The following RNF150 variants were observed in gnomAD, a reference collection of about 807,000 sequenced individuals.
RNF150 encodes ring finger protein 150.
Under a neutral mutation model 39.3 loss-of-function variants are expected in RNF150, and 24 were observed. The ratio of observed to expected loss-of-function variants is 0.61; its 90% confidence interval spans 0.44 to 0.86. The LOEUF is 0.86. Ranked by LOEUF, RNF150 falls within the 40% of genes least tolerant of loss-of-function variation. The probability of loss-of-function intolerance (pLI) is 0.00; values close to 1 mark genes in which losing one functional copy is unlikely to be tolerated. For synonymous variants in RNF150, 255 were observed against 227.3 expected, an observed-to-expected ratio of 1.12 and a Z score of -1.10; for missense variants, 502 against 587.8, an observed-to-expected ratio of 0.85 and a Z score of 1.51.
chr4:141,015,364 A>G (rs911581530), intron 1 of RNF150, among the ~76,000 whole-genome samples: 2 of 152,218 alleles, frequency 1.3e-5, no homozygotes, highest in African/African-American at 4.8e-5. Flanking sequence ...CACCTGTTCA[A>G]CATTTATTCT....
At chr4:140,957,500 T>A (rs1171027036) in intron 2 of RNF150, among the ~76,000 whole-genome samples, 21 of 152,220 alleles carry the variant, frequency 1.4e-4, no homozygotes, top group Admixed American at 1.3e-3. Flanking sequence ...TGGCGATTCC[T>A]CAGGGATCTA....
intron 1 of RNF150, among the ~76,000 whole-genome samples, chr4:141,164,147 C>T (rs535787704): frequency 2.0e-5 from 3 of 151,044 alleles, no homozygotes; most frequent in East Asian, 3.9e-4. Flanking sequence ...ATGAGAACTT[C>T]GTGAAGCATA....
chr4:141,117,242 T>A (rs1478196229), intron 1 of RNF150, among the ~76,000 whole-genome samples: 1 of 152,226 alleles, frequency 6.6e-6, no homozygotes, highest in Admixed American at 6.5e-5. Context: ...TAACTTACAC[T>A]AAGAAGTGTT....
At chr4:141,136,620 T>TA (rs796707065), upstream of RNF150, among the ~76,000 whole-genome samples, 2 of 152,310 alleles carry the variant, frequency 1.3e-5, no homozygotes, top group African/African-American at 4.8e-5. Context: ...CTGTTGTAGA[T>TA]AAAAACATCT....
At chr4:140,878,236 G>C (rs1419346347) in intron 6 of RNF150, among the ~76,000 whole-genome samples, 3 of 2,900 alleles carry the variant, frequency 1.0e-3, no homozygotes, top group Non-Finnish European at 8.3e-3. Flanking sequence ...GCACAATCTT[G>C]GCTTACCTCA....
chr4:140,938,878 A>G (rs1731967193), intron 4 of RNF150, among the ~76,000 whole-genome samples: 1 of 152,200 alleles, frequency 6.6e-6, no homozygotes, highest in South Asian at 2.1e-4. Context: ...GGTCCATGTT[A>G]AAAATATACA....
rs186559862 is a variant in RNF150 at position 141,098,427 on chromosome 4, C to T, written c.484+33898G>A. Among the ~76,000 whole-genome samples, 64 of 152,342 alleles carry T rather than the reference C, an allele frequency of 4.2e-4. 1 individual carries two copies. Among genetic ancestry groups the T allele is most frequent in the African/African-American group, 1.5e-3 (61 of 41,580 alleles). On this transcript the variant is annotated intron_variant, in intron 1 of 6. Transcript: ENST00000515673. Reference sequence around the variant, plus strand: ...CCGTAATGCAAAACGCCATGATGCCCACAGTGCAGTGTGACCACTGGTGTG... The same window carrying T: ...CCGTAATGCAAAACGCCATGATGCCTACAGTGCAGTGTGACCACTGGTGTG...
intron 1 of RNF150, among the ~76,000 whole-genome samples, chr4:141,172,303 AC>A (rs1215202177): frequency 6.6e-6 from 1 of 152,118 alleles, no homozygotes; most frequent in Non-Finnish European, 1.5e-5. Context: ...TAAGCTTGGA[AC>A]TGCCAGAGTC....
At chr4:141,066,782 T>C (rs1056750843) in intron 1 of RNF150, among the ~76,000 whole-genome samples, 3 of 152,338 alleles carry the variant, frequency 2.0e-5, no homozygotes, top group Admixed American at 1.3e-4. Context: ...ATACCATGTA[T>C]GTTTTTAAAT....
In RNF150 at chr4:140,967,782, G is replaced by A. The variant is rs1461465687; in HGVS notation, c.576C>T (p.Tyr192=). Residue 192 remains tyrosine (Y), a synonymous_variant, in exon 2 of 7, where the codon TAC becomes TAT. Transcript: ENST00000515673. ...GCAAGTTCCGGGTTCCGATGGTGAT[G>A]TACATTGTCACGGTGATGTTTCTTT... ...LLERNITVTM[Y]ITIGTRNLQK... is the part of the protein sequence containing the mutation. 4.3e-6 allele frequency: 7 copies of A among 1,613,442 alleles called. No homozygotes were observed. The highest frequency in any genetic ancestry group is 5.9e-6 in the Non-Finnish European group (7 of 1,179,678).
chr4:140,984,909 T>C (rs569591034), intron 1 of RNF150, among the ~76,000 whole-genome samples: 44 of 152,272 alleles, frequency 2.9e-4, no homozygotes, highest in African/African-American at 9.9e-4. Flanking sequence ...CTTGATAACA[T>C]ATGATTTATT....
At chr4:140,991,126 T>C (rs1734183386) in intron 1 of RNF150, among the ~76,000 whole-genome samples, 1 of 152,246 alleles carries the variant, frequency 6.6e-6, no homozygotes, top group South Asian at 2.1e-4. Flanking sequence ...GTATGTTTGT[T>C]GACCACATGT....
chr4:141,035,313 G>A (rs942713214), intron 1 of RNF150, among the ~76,000 whole-genome samples: 4 of 152,120 alleles, frequency 2.6e-5, no homozygotes, highest in African/African-American at 9.7e-5. Context: ...AATGAAAAAG[G>A]CTCCAAATAA....
Position 141,095,373 on chromosome 4 carries a change from A to G in RNF150, c.484+36952T>C, listed in dbSNP as rs575889491. 9.2e-5 allele frequency among the ~76,000 whole-genome samples: 14 copies of G among 152,156 alleles called. No homozygotes were observed. The South Asian group carries it at 2.9e-3, about 32-fold the overall frequency. On this transcript the variant is annotated intron_variant, in intron 1 of 6. Coordinates refer to ENST00000515673, the MANE Select transcript of RNF150 (RefSeq NM_020724.2). ...ATGTAGAGAAAGGAATCAGCTGCCC[A>G]CTCCTCACCCAGGTGCTTCTCTCAT...
In RNF150 at chr4:140,990,019, A is replaced by G. The variant is rs78191452; in HGVS notation, c.485-22146T>C. Among the ~76,000 whole-genome samples, 707 of 152,308 alleles carry G rather than the reference A, an allele frequency of 4.6e-3. 6 individuals carry two copies. The highest frequency in any genetic ancestry group is 0.016 in the African/African-American group (675 of 41,568). ...AAAAATTGTTCTTTCTTTCCTTTGG[A>G]CCTGTTTTCAGCATCTATTTGAAAG... On this transcript the variant is annotated intron_variant, in intron 1 of 6. Coordinates refer to ENST00000515673, the MANE Select transcript of RNF150 (RefSeq NM_020724.2).
chr4:140,955,679 G>A (rs761339896), intron 2 of RNF150, among the ~76,000 whole-genome samples: 1 of 152,138 alleles, frequency 6.6e-6, no homozygotes, highest in African/African-American at 2.4e-5. Flanking sequence ...TGAGGGCTTT[G>A]TACTTTCTTC....
chr4:141,095,700 A>G (rs1738746682), intron 1 of RNF150, among the ~76,000 whole-genome samples: 1 of 152,204 alleles, frequency 6.6e-6, no homozygotes, highest in African/African-American at 2.4e-5. Context: ...AAACATATGT[A>G]TTTATATATT....
intron 1 of RNF150, among the ~76,000 whole-genome samples, chr4:141,104,081 T>G (rs1739113452): frequency 6.6e-6 from 1 of 152,160 alleles, no homozygotes; most frequent in African/African-American, 2.4e-5. Flanking sequence ...CAAGAGGTGA[T>G]AAGGCTTGGG....
chr4:140,921,108 C>T (rs1731110958), intron 5 of RNF150, among the ~76,000 whole-genome samples: 1 of 150,478 alleles, frequency 6.6e-6, no homozygotes, highest in African/African-American at 2.4e-5. Flanking sequence ...TGCAGCACAC[C>T]AGCATGGCAC....
Sources: allele counts gnomAD v4.1 joint callset (sites outside exome capture counted in the v4.1 genomes callset), GRCh38; gene constraint gnomAD v4.1.1; transcripts MANE v1.5; gene names NCBI Gene and HGNC (gene_info 2026-07-23, HGNC 2026-07-21).